SI: variants seen among roughly 807,000 people sequenced by gnomAD.
SI encodes the protein sucrase-isomaltase.
In SI, 235 loss-of-function variants were observed where a neutral mutation model predicts 253.3. The observed-to-expected ratio is 0.93, with a 90% CI of 0.83 to 1.03. The LOEUF is 1.03. Among genes scored for constraint, SI ranks in the 50% least tolerant of loss-of-function variants. SI has a pLI of 0.00. For synonymous variants in SI, 819 were observed against 712.0 expected, an observed-to-expected ratio of 1.15 and a Z score of -2.39; for missense variants, 2,442 against 2,211.1, an observed-to-expected ratio of 1.10 and a Z score of -2.09.
At chr3:165,026,611 T>C (rs1355531071) in intron 25 of SI, among the ~76,000 whole-genome samples, 1 of 151,310 alleles carries the variant, frequency 6.6e-6, no homozygotes, top group African/African-American at 2.4e-5. Flanking sequence ...TTTGAAATTA[T>C]ATCAAGCACT....
At chr3:165,049,494 C>T (rs754718732) in intron 14 of SI, among the ~76,000 whole-genome samples, 7 of 152,016 alleles carry the variant, frequency 4.6e-5, no homozygotes, top group African/African-American at 9.6e-5. Flanking sequence ...TTCCTAACTT[C>T]GATAACAAAT....
intron 47 of SI, among the ~76,000 whole-genome samples, chr3:164,981,422 T>C (rs1487822319): frequency 3.6e-4 from 54 of 151,928 alleles, no homozygotes; most frequent in Admixed American, 3.6e-3. Context: ...TATATATATA[T>C]TTTTTTAGGT....
chr3:165,071,197 C>T (rs1255846798), intron 3 of SI, among the ~76,000 whole-genome samples: 1 of 152,068 alleles, frequency 6.6e-6, no homozygotes, highest in African/African-American at 2.4e-5. Flanking sequence ...CATTATTTAA[C>T]CTACTACATA....
At chr3:165,013,559 G>T (rs981743956) in intron 33 of SI, among the ~76,000 whole-genome samples, 2 of 151,962 alleles carry the variant, frequency 1.3e-5, no homozygotes, top group African/African-American at 4.8e-5. Flanking sequence ...TGACCTCATT[G>T]CCTACCAACA....
In SI at chr3:165,017,587, C is replaced by T. The variant is rs746047058; in HGVS notation, c.3720G>A (p.Arg1240=). 6.2e-7 allele frequency: 1 copy of T among 1,612,402 alleles called. No individual in the cohort carries two copies. The change falls in exon 31 of 48, where the codon CGG becomes CGA. Residue 1240 remains arginine, a synonymous_variant. Coordinates refer to ENST00000264382, the MANE Select transcript of SI (RefSeq NM_001041.4). ...RYGYANTSEV[R]ELYDAMVAAN... is the part of the protein sequence containing the mutation. ...CAGCCACCATAGCGTCATATAATTCCCGAACCTCTGAAGTATTTGCATATC... is the reference window on the plus strand; with the variant it reads ...CAGCCACCATAGCGTCATATAATTCTCGAACCTCTGAAGTATTTGCATATC...
intron 33 of SI, among the ~76,000 whole-genome samples, chr3:165,014,328 A>ACTCC (rs1485681155): frequency 6.6e-6 from 1 of 151,996 alleles, no homozygotes; most frequent in Non-Finnish European, 1.5e-5. Flanking sequence ...GGCTCACTGC[A>ACTCC]AGCTCCGCCT....
Position 164,982,287 on chromosome 3 carries a change from C to T in SI, c.5371G>A (p.Gly1791Arg), listed in dbSNP as rs753703386. 9.3e-6 allele frequency: 15 copies of T among 1,612,752 alleles called. No homozygotes were observed. Among genetic ancestry groups the T allele is most frequent in the East Asian group, 2.2e-5 (1 of 44,768 alleles). Residue 1791 changes from glycine to arginine, a missense_variant, in exon 47 of 48, where the codon GGA becomes AGA. Transcript: ENST00000264382. ...TTAAAAGGAAGCGAATTTTTATTTCCGTTATACGTTAGAGTAACTGCATTG... is the reference window on the plus strand; with the variant it reads ...TTAAAAGGAAGCGAATTTTTATTTCTGTTATACGTTAGAGTAACTGCATTG... The part of the protein sequence containing the change: ...PVNAVTLTYN[G>R]NKNSLPFNED...
At chr3:165,026,876 AG>A (rs1711950645) in intron 25 of SI, among the ~76,000 whole-genome samples, 1 of 151,364 alleles carries the variant, frequency 6.6e-6, no homozygotes, top group Admixed American at 6.6e-5. Context: ...AGTCTGAAAG[AG>A]CACACATAGA....
chr3:165,041,161 T>A, intron 17 of SI, 67 bp from the exon 18 acceptor site: 1 of 1,412,812 alleles, frequency 7.1e-7, no homozygotes, highest in African/African-American at 1.4e-5. Context: ...AGTAGAAGCA[T>A]TTTAATCTGC....
chr3:164,993,076 C>T (rs1388532893), intron 41 of SI, among the ~76,000 whole-genome samples: 2 of 151,702 alleles, frequency 1.3e-5, no homozygotes, highest in South Asian at 2.1e-4. Context: ...TTATTAAAAG[C>T]TGAGATTAAT....
chr3:165,035,516 A>C (rs924727455), intron 22 of SI, among the ~76,000 whole-genome samples: 2 of 151,630 alleles, frequency 1.3e-5, no homozygotes, highest in African/African-American at 4.8e-5. Flanking sequence ...TTAAATATAC[A>C]CATTTTCAAA....
At chr3:165,038,136 T>TA (rs113391501) in intron 20 of SI, 112 bp from the exon 21 acceptor site, 5 of 955,370 alleles carry the variant, frequency 5.2e-6, no homozygotes, top group African/African-American at 4.9e-5. Context: ...TCCAAATGAA[T>TA]ACGAATATAT....
intron 22 of SI, 148 bp from the exon 23 acceptor site, chr3:165,033,592 T>A: frequency 1.4e-6 from 1 of 699,718 alleles, no homozygotes. Flanking sequence ...TTTAAATTTT[T>A]TAATTGTCTC....
In SI at chr3:165,060,047, TA is replaced by T. The variant is rs779017543; in HGVS notation, c.1021-21del. 1.9e-6 allele frequency: 3 copies of T among 1,605,364 alleles called. No individual in the cohort carries two copies. The African/African-American group carries it at 4.0e-5, about 21-fold the overall frequency. Reference sequence around the variant, plus strand: ...AACAAGCTTAAAGTAAATGAGCATGTAATTAGTTTGAATAGAAATAAATATA... The same window carrying T: ...AACAAGCTTAAAGTAAATGAGCATGTATTAGTTTGAATAGAAATAAATATA... On this transcript the variant is annotated intron_variant, in intron 9 of 47. Transcript: ENST00000264382.
Position 165,008,528 on chromosome 3 carries a change from G to A in SI, c.4180-530C>T, listed in dbSNP as rs2097474331. Among the ~76,000 whole-genome samples the A allele has an allele frequency of 8.6e-5, 13 of 151,798 alleles. 1 individual carries two copies. The highest frequency in any genetic ancestry group is 7.2e-4 in the Admixed American group (11 of 15,228). On this transcript the variant is annotated intron_variant, in intron 35 of 47. Coordinates refer to ENST00000264382, the MANE Select transcript of SI (RefSeq NM_001041.4). Reference sequence around the variant, plus strand: ...CACCTGAAAAAGATAATTTTCTCTGGATCCAGATGACATTCTCAGGAATAT... The same window carrying A: ...CACCTGAAAAAGATAATTTTCTCTGAATCCAGATGACATTCTCAGGAATAT...
chr3:165,030,180 G>T (rs1053247836), intron 25 of SI, among the ~76,000 whole-genome samples: 4 of 150,694 alleles, frequency 2.7e-5, no homozygotes, highest in African/African-American at 9.7e-5. Context: ...ATAGCAAGAG[G>T]AATGTTTTAC....
At chr3:164,980,565 A>G (rs1038971795) in intron 47 of SI, among the ~76,000 whole-genome samples, 12 of 151,922 alleles carry the variant, frequency 7.9e-5, no homozygotes, top group African/African-American at 2.7e-4. Context: ...ACTCATAAAT[A>G]CTGAGTTTAT....
At chr3:165,012,539 C>T in intron 34 of SI, among the ~76,000 whole-genome samples, 1 of 152,102 alleles carries the variant, frequency 6.6e-6, no homozygotes, top group Non-Finnish European at 1.5e-5. Context: ...CACCATTCTC[C>T]TGCCTCAGCT....
intron 43 of SI, 78 bp downstream of exon 43, chr3:164,992,099 A>G: frequency 8.7e-7 from 1 of 1,152,608 alleles, no homozygotes; most frequent in South Asian, 1.2e-5. Flanking sequence ...AATCCAACAT[A>G]CCGTTAATGA....
Sources: allele counts gnomAD v4.1 joint callset (sites outside exome capture counted in the v4.1 genomes callset), GRCh38; gene constraint gnomAD v4.1.1; transcripts MANE v1.5; gene names NCBI Gene and HGNC (gene_info 2026-07-23, HGNC 2026-07-21).